CTNNA2: variants seen among roughly 807,000 people sequenced by gnomAD.
CTNNA2 encodes catenin alpha-2.
Under a neutral mutation model 101.0 loss-of-function variants are expected in CTNNA2, and 42 were observed. The ratio of observed to expected loss-of-function variants is 0.42; its 90% CI spans 0.32 to 0.54. CTNNA2 has a LOEUF of 0.54. Ranked by LOEUF, CTNNA2 falls within the 20% of genes least tolerant of loss-of-function variation. CTNNA2 has a pLI of 0.14. For synonymous variants in CTNNA2, 450 were observed against 456.4 expected, an observed-to-expected ratio of 0.99 and a Z score of 0.18; for missense variants, 871 against 1,223.1, an observed-to-expected ratio of 0.71 and a Z score of 4.29.
In CTNNA2 at chr2:80,100,428, G is replaced by A. The variant is rs543057528; in HGVS notation, c.1056+190631G>A. Among the ~76,000 whole-genome samples, 146 of 152,250 alleles carry A rather than the reference G, an allele frequency of 9.6e-4. 1 individual carries two copies. Among genetic ancestry groups the A allele is most frequent in the African/African-American group, 3.2e-3 (132 of 41,548 alleles). On this transcript the variant is annotated intron_variant, in intron 7 of 18. Coordinates refer to ENST00000402739, the MANE Select transcript of CTNNA2 (RefSeq NM_001282597.3). ...TTTAGTAGCCTTGATAATCTTGTCT[G>A]TCTCACTTTTTAAGGTTCTCTCCAG... is the stretch of plus-strand genomic sequence containing the variant.
At chr2:79,721,621 A>T (rs373029575) in intron 2 of CTNNA2, among the ~76,000 whole-genome samples, 1 of 152,352 alleles carries the variant, frequency 6.6e-6, no homozygotes, top group East Asian at 1.9e-4. Context: ...GGTATTATCT[A>T]TGCACAAACA....
intron 17 of CTNNA2, among the ~76,000 whole-genome samples, chr2:80,615,304 T>A (rs1698761278): frequency 6.6e-6 from 1 of 151,544 alleles, no homozygotes; most frequent in Non-Finnish European, 1.5e-5. Flanking sequence ...TAATTTCCAA[T>A]GGCAAACAAT....
At chr2:79,677,826 A>T (rs926963417) in intron 2 of CTNNA2, among the ~76,000 whole-genome samples, 1 of 152,238 alleles carries the variant, frequency 6.6e-6, no homozygotes, top group African/African-American at 2.4e-5. Context: ...GTAAAAAATA[A>T]ATTTAAAAGG....
chr2:79,465,102 T>C (rs1670919247), intron 4 of CTNNA2, among the ~76,000 whole-genome samples: 1 of 152,206 alleles, frequency 6.6e-6, no homozygotes, highest in Admixed American at 6.5e-5. Flanking sequence ...TCTTCTAGGG[T>C]TTTTATGGTT....
At chr2:80,420,565 C>G (rs1559095122) in intron 9 of CTNNA2, among the ~76,000 whole-genome samples, 1 of 149,470 alleles carries the variant, frequency 6.7e-6, no homozygotes, top group East Asian at 2.0e-4. Context: ...AAAATAAGTT[C>G]TTTTTTTTTT....
At chr2:80,386,052 C>T (rs1676965265) in intron 7 of CTNNA2, among the ~76,000 whole-genome samples, 1 of 152,122 alleles carries the variant, frequency 6.6e-6, no homozygotes, top group South Asian at 2.1e-4. Flanking sequence ...TGCGCATTGT[C>T]CAAGGCATAT....
At chr2:79,770,264 C>G (rs1002303199) in intron 3 of CTNNA2, among the ~76,000 whole-genome samples, 1 of 152,122 alleles carries the variant, frequency 6.6e-6, no homozygotes, top group African/African-American at 2.4e-5. Flanking sequence ...ATTTTTGAGA[C>G]GAGGATTGCT....
chr2:79,394,682 A>G lies in CTNNA2; in HGVS notation c.-135+20669A>G, dbSNP rs542531019. Among the ~76,000 whole-genome samples the G allele has an allele frequency of 2.0e-5, 3 of 152,378 alleles. No individual in the cohort carries two copies. The South Asian group carries it at 6.2e-4, about 32-fold the overall frequency. ...CCTGCAGGACATCAATTTCTAAAAC[A>G]CAGTGACACTCAGTAGTACACATAT... is the stretch of plus-strand genomic sequence containing the variant. On this transcript the variant is annotated intron_variant, in intron 4 of 21. Coordinates refer to the CTNNA2 transcript ENST00000466387.
chr2:80,366,157 TC>T (rs1405549846), intron 7 of CTNNA2, among the ~76,000 whole-genome samples: 5 of 152,172 alleles, frequency 3.3e-5, no homozygotes. Flanking sequence ...CTTCTGGGGT[TC>T]TGGTCCCACC....
At chr2:80,117,480 G>GTGTGTGTA (rs925955097) in intron 7 of CTNNA2, among the ~76,000 whole-genome samples, 3 of 151,860 alleles carry the variant, frequency 2.0e-5, no homozygotes, top group African/African-American at 4.8e-5. Context: ...GTGTGTGTGT[G>GTGTGTGTA]TGTGTGTACA....
intron 7 of CTNNA2, among the ~76,000 whole-genome samples, chr2:80,134,578 G>A (rs1358923639): frequency 6.6e-6 from 1 of 152,142 alleles, no homozygotes; most frequent in African/African-American, 2.4e-5. Context: ...GATGCACAGG[G>A]CAAATGGAAT....
intron 7 of CTNNA2, among the ~76,000 whole-genome samples, chr2:80,008,102 C>T (rs971894652): frequency 2.0e-5 from 3 of 152,206 alleles, no homozygotes; most frequent in Non-Finnish European, 2.9e-5. Context: ...TGTAAAGTCC[C>T]TGCTCCTCTT....
intron 1 of CTNNA2, among the ~76,000 whole-genome samples, chr2:79,635,188 A>T (rs547275317): frequency 1.3e-5 from 2 of 152,206 alleles, no homozygotes; most frequent in East Asian, 3.9e-4. Context: ...ATTAGACTTG[A>T]ACTTTTTATT....
chr2:79,213,522 G>C (rs1271803634), intron 2 of CTNNA2, among the ~76,000 whole-genome samples: 1 of 152,186 alleles, frequency 6.6e-6, no homozygotes, highest in African/African-American at 2.4e-5. Context: ...CTTAATGATA[G>C]ATGTGGAAGA....
At chr2:79,393,368 C>G (rs1386210245) in intron 4 of CTNNA2, among the ~76,000 whole-genome samples, 1 of 152,194 alleles carries the variant, frequency 6.6e-6, no homozygotes, top group Non-Finnish European at 1.5e-5. Context: ...GGGCCAAAAT[C>G]TGACTACTGC....
intron 4 of CTNNA2, among the ~76,000 whole-genome samples, chr2:79,441,642 C>A (rs1328613181): frequency 6.6e-6 from 1 of 152,182 alleles, no homozygotes; most frequent in African/African-American, 2.4e-5. Context: ...TATGCAGTCA[C>A]CCTAGTTCTG....
intron 1 of CTNNA2, among the ~76,000 whole-genome samples, chr2:79,531,194 TCATATATATATATATATATATA>T (rs1201702228): frequency 2.6e-5 from 2 of 76,880 alleles, no homozygotes; most frequent in South Asian, 1.1e-3. Context: ...ATAGATACGC[TCATATATATATATATATATATA>T]TATATATATA....
At chr2:80,049,533 C>T (rs983502589) in intron 7 of CTNNA2, among the ~76,000 whole-genome samples, 14 of 152,192 alleles carry the variant, frequency 9.2e-5, no homozygotes, top group African/African-American at 3.4e-4. Context: ...CCTCCAACCC[C>T]CTTGAACATT....
intron 7 of CTNNA2, among the ~76,000 whole-genome samples, chr2:79,977,962 C>T (rs1690985656): frequency 6.6e-6 from 1 of 152,092 alleles, no homozygotes; most frequent in African/African-American, 2.4e-5. Flanking sequence ...GGGAGTAATG[C>T]AGGGACTCTC....
Sources: allele counts gnomAD v4.1 joint callset (sites outside exome capture counted in the v4.1 genomes callset), GRCh38; gene constraint gnomAD v4.1.1; transcripts MANE v1.5; gene names NCBI Gene and HGNC (gene_info 2026-07-23, HGNC 2026-07-21).